The following THSD7B variants were observed in gnomAD, a reference collection of about 807,000 sequenced individuals.
THSD7B encodes thrombospondin type 1 domain containing 7B.
THSD7B carries 138 observed loss-of-function variants against 213.6 expected under a neutral mutation model. The ratio of observed to expected loss-of-function variants is 0.65; its 90% CI spans 0.56 to 0.74. THSD7B has a LOEUF of 0.74. Ranked by LOEUF, THSD7B falls within the 30% of genes least tolerant of loss-of-function variation. The pLI is 0.00. For synonymous variants in THSD7B, 742 were observed against 687.0 expected (o/e 1.08, Z -1.25); for missense variants, 1,931 against 1,991.5 (o/e 0.97, Z 0.58).
chr2:137,605,160 T>G (rs1682147965), intron 17 of THSD7B, among the ~76,000 whole-genome samples: 1 of 152,208 alleles, frequency 6.6e-6, no homozygotes, highest in South Asian at 2.1e-4. Context: ...GTTTTCCAGA[T>G]GCTAATTTCT....
intron 2 of THSD7B, among the ~76,000 whole-genome samples, chr2:136,931,157 G>T (rs1684621051): frequency 1.3e-5 from 2 of 152,098 alleles, no homozygotes; most frequent in South Asian, 4.1e-4. Context: ...CCCAAATGTA[G>T]CCCCAAAGTA....
intron 2 of THSD7B, among the ~76,000 whole-genome samples, chr2:137,027,867 T>G (rs1018234463): frequency 6.6e-6 from 1 of 152,154 alleles, no homozygotes; most frequent in Non-Finnish European, 1.5e-5. Context: ...CCTTGTAAAC[T>G]CAAGATACTT....
At chr2:137,638,908 TGTGACTTGG>T (rs1682884754) in intron 20 of THSD7B, among the ~76,000 whole-genome samples, 1 of 152,088 alleles carries the variant, frequency 6.6e-6, no homozygotes, top group South Asian at 2.1e-4. Flanking sequence ...GCATTCAAGA[TGTGACTTGG>T]GTGCTGTTAA....
chr2:137,422,747 T>A (rs1029138265), intron 14 of THSD7B, among the ~76,000 whole-genome samples: 1 of 152,096 alleles, frequency 6.6e-6, no homozygotes, highest in Non-Finnish European at 1.5e-5. Context: ...TAATTTTTTT[T>A]AATTACACTG....
chr2:137,590,792 GTTT>G (rs1215185747), intron 17 of THSD7B, among the ~76,000 whole-genome samples: 2 of 88,710 alleles, frequency 2.3e-5, no homozygotes, highest in African/African-American at 4.1e-5. Flanking sequence ...CTTTGAAATA[GTTT>G]TTTTTTTTTT....
At chr2:136,896,150 GAAA>G (rs1408679434) in intron 2 of THSD7B, among the ~76,000 whole-genome samples, 2 of 152,164 alleles carry the variant, frequency 1.3e-5, no homozygotes, top group Non-Finnish European at 2.9e-5. Context: ...AACTTTTTAA[GAAA>G]AACTATTTTC....
intron 1 of THSD7B, among the ~76,000 whole-genome samples, chr2:136,781,092 G>T (rs207462421): frequency 6.6e-6 from 1 of 151,834 alleles, no homozygotes; most frequent in South Asian, 2.1e-4. Flanking sequence ...TGTGTAACAG[G>T]GTTAATAACA....
At chr2:137,362,897 C>T (rs1177692405) in intron 12 of THSD7B, among the ~76,000 whole-genome samples, 3 of 152,186 alleles carry the variant, frequency 2.0e-5, no homozygotes, top group African/African-American at 7.2e-5. Flanking sequence ...TAATAGACAT[C>T]TACAGAACTC....
rs1316951194 is a variant in THSD7B, at chr2:137,491,097, A to G, written c.3138+40074A>G. Among the ~76,000 whole-genome samples, 4 of 152,344 alleles carry G rather than the reference A, an allele frequency of 2.6e-5. No individual in the cohort carries two copies. In the East Asian group the frequency reaches 7.7e-4, roughly 29 times the overall value. On this transcript the variant is annotated intron_variant, in intron 15 of 27. Coordinates refer to ENST00000409968, the MANE Select transcript of THSD7B (RefSeq NM_001316349.2). The stretch of plus-strand genomic sequence containing the variant: ...TTTTAGATTAGAGACACATTGACCC[A>G]AGGGTGAGTAATTTCCATGTGTCTA...
intron 1 of THSD7B, among the ~76,000 whole-genome samples, chr2:136,807,290 C>T (rs77090495): frequency 6.6e-6 from 1 of 152,056 alleles, no homozygotes; most frequent in Non-Finnish European, 1.5e-5. Context: ...TTCTTCCCTT[C>T]ATTTATTTAT....
chr2:137,022,768 A>C (rs1365886019), intron 2 of THSD7B, among the ~76,000 whole-genome samples: 1 of 152,064 alleles, frequency 6.6e-6, no homozygotes, highest in African/African-American at 2.4e-5. Flanking sequence ...GCCTTGTTTT[A>C]TTTAGTGCAT....
At chr2:137,527,758 A>G (rs1680306224) in intron 15 of THSD7B, among the ~76,000 whole-genome samples, 1 of 152,044 alleles carries the variant, frequency 6.6e-6, no homozygotes, top group Non-Finnish European at 1.5e-5. Context: ...TCATTGAAAG[A>G]GATTAGAAAA....
intron 7 of THSD7B, among the ~76,000 whole-genome samples, chr2:137,207,761 T>C (rs1681016375): frequency 6.6e-6 from 1 of 152,082 alleles, no homozygotes; most frequent in African/African-American, 2.4e-5. Context: ...GGTGAGCTCC[T>C]ACTTATTCAA....
intron 2 of THSD7B, among the ~76,000 whole-genome samples, chr2:137,006,567 A>G (rs144853049): frequency 1.4e-4 from 22 of 152,294 alleles, no homozygotes; most frequent in African/African-American, 3.8e-4. Flanking sequence ...AGTCTCTTCT[A>G]TACTGCCTGT....
intron 1 of THSD7B, among the ~76,000 whole-genome samples, chr2:136,860,016 AT>A (rs3084113): frequency 8.3e-5 from 10 of 120,476 alleles, no homozygotes; most frequent in East Asian, 8.0e-4. Flanking sequence ...ACAATTCATG[AT>A]TTTTTTTTTT....
rs920926363 is a variant in THSD7B, at chr2:137,673,227, C to T, written c.4740-3297C>T. ...CTTTTCTGGCTTAATTCATTTTTGT[C>T]CTTTGCTAAAATGCAAATGACCCTA... On this transcript the variant is annotated intron_variant, in intron 27 of 27. Transcript: ENST00000409968. Among the ~76,000 whole-genome samples, 4 of 151,930 alleles carry T rather than the reference C, an allele frequency of 2.6e-5. 1 individual carries two copies. The highest frequency in any genetic ancestry group is 5.9e-5 in the Non-Finnish European group (4 of 67,950).
At chr2:137,651,058 G>C (rs1373698927) in intron 21 of THSD7B, among the ~76,000 whole-genome samples, 1 of 152,038 alleles carries the variant, frequency 6.6e-6, no homozygotes, top group Non-Finnish European at 1.5e-5. Context: ...GCCCGTTTCT[G>C]GTCTTGGATC....
At chr2:137,116,315 T>C (rs2104939685) in intron 5 of THSD7B, among the ~76,000 whole-genome samples, 1 of 152,318 alleles carries the variant, frequency 6.6e-6, no homozygotes, top group East Asian at 1.9e-4. Flanking sequence ...AATGATTGAA[T>C]TTTCTTCCTT....
intron 3 of THSD7B, among the ~76,000 whole-genome samples, chr2:137,087,943 T>C (rs1311816763): frequency 6.6e-6 from 1 of 152,036 alleles, no homozygotes; most frequent in African/African-American, 2.4e-5. Context: ...GGTACTGGTA[T>C]AAAATAGGTA....
Sources: gnomAD v4.1 joint callset for allele counts (sites outside exome capture counted in the v4.1 genomes callset) on GRCh38, gnomAD v4.1.1 for gene constraint, MANE v1.5 for transcripts, NCBI Gene and HGNC (gene_info 2026-07-23, HGNC 2026-07-21) for gene names.